Variants in SPAG6 observed in about 807,000 individuals in gnomAD.
The protein encoded by SPAG6 is sperm associated antigen 6.
SPAG6 carries 49 observed loss-of-function variants against 58.5 expected under a neutral mutation model. The ratio of observed to expected loss-of-function variants is 0.84; its 90% CI spans 0.67 to 1.06. SPAG6 has a LOEUF of 1.06. Among genes scored for constraint, SPAG6 ranks in the 50% least tolerant of loss-of-function variants. The pLI is 0.00. For missense variants in SPAG6, 560 were observed against 611.3 expected, an observed-to-expected ratio of 0.92 and a Z score of 0.89; for synonymous variants, 233 against 225.6, an observed-to-expected ratio of 1.03 and a Z score of -0.29.
intron 2 of SPAG6, among the ~76,000 whole-genome samples, chr10:22,363,430 G>C (rs1421000515): frequency 6.6e-6 from 1 of 152,176 alleles, no homozygotes; most frequent in African/African-American, 2.4e-5. Context: ...TATGACCCAA[G>C]TGTGGGCAGG....
chr10:22,380,071 G>C (rs572123768), intron 4 of SPAG6, among the ~76,000 whole-genome samples: 1 of 151,866 alleles, frequency 6.6e-6, no homozygotes, highest in Non-Finnish European at 1.5e-5. Context: ...TGGGACTACC[G>C]GAGTGAGGCA....
intron 10 of SPAG6, among the ~76,000 whole-genome samples, chr10:22,412,009 C>T (rs958753795): frequency 2.6e-5 from 4 of 152,014 alleles, no homozygotes; most frequent in African/African-American, 9.7e-5. Context: ...CCATCACGCC[C>T]AGCTAATTTT....
chr10:22,360,822 A>C lies in SPAG6; in HGVS notation c.122-4031A>C, dbSNP rs1170550. 36,519 of 1,533,924 alleles carry C rather than the reference A, an allele frequency of 0.024. 559 individuals carry two copies. The highest frequency in any genetic ancestry group is 0.028 in the Non-Finnish European group (31,819 of 1,145,706). On this transcript the variant is annotated intron_variant, in intron 2 of 10. Coordinates refer to ENST00000376624, the MANE Select transcript of SPAG6 (RefSeq NM_012443.4). Reference sequence around the variant, plus strand: ...TTTAATTTGTGAACTCTAAATTTCCATGCATTCACTCACCATGGATCTCTG... The same window carrying C: ...TTTAATTTGTGAACTCTAAATTTCCCTGCATTCACTCACCATGGATCTCTG...
At chr10:22,374,604 A>T (rs966693142) in intron 4 of SPAG6, among the ~76,000 whole-genome samples, 2 of 139,680 alleles carry the variant, frequency 1.4e-5, no homozygotes, top group African/African-American at 5.2e-5. Flanking sequence ...CCTGTATGTA[A>T]AAAAAAAAAA....
intron 9 of SPAG6, 92 bp from the exon 10 acceptor site, chr10:22,410,937 CTT>C: frequency 7.6e-7 from 1 of 1,324,388 alleles, no homozygotes; most frequent in Non-Finnish European, 1.0e-6. Flanking sequence ...TATAAATTCT[CTT>C]TTACATTTTC....
At chr10:22,362,470 G>A (rs1282581803) in intron 2 of SPAG6, among the ~76,000 whole-genome samples, 1 of 152,040 alleles carries the variant, frequency 6.6e-6, no homozygotes, top group Non-Finnish European at 1.5e-5. Context: ...GCCAGGCACA[G>A]TGGCTCATGC....
At chr10:22,349,050 G>A (rs1175481745) in intron 2 of SPAG6, among the ~76,000 whole-genome samples, 1 of 151,926 alleles carries the variant, frequency 6.6e-6, no homozygotes, top group Non-Finnish European at 1.5e-5. Flanking sequence ...TTTTCACCAT[G>A]TTTAGCCAGG....
At chr10:22,398,910 C>T (rs559181317) in intron 8 of SPAG6, among the ~76,000 whole-genome samples, 1 of 152,238 alleles carries the variant, frequency 6.6e-6, no homozygotes, top group South Asian at 2.1e-4. Flanking sequence ...CCTCCGCCTC[C>T]TGGGTTCAAG....
chr10:22,405,178 A>C (rs559459833), intron 9 of SPAG6, among the ~76,000 whole-genome samples: 2,660 of 152,070 alleles, frequency 0.017, 77 homozygotes, highest in African/African-American at 0.061. Flanking sequence ...ACAATGTTGA[A>C]TAGGAGTGGT....
In SPAG6 at chr10:22,345,660, C is replaced by G. The variant is rs758563637; in HGVS notation, c.25+24C>G. The G allele has an allele frequency of 6.7e-5, 104 of 1,562,846 alleles. No individual in the cohort carries two copies. In the South Asian group the frequency reaches 1.1e-3, roughly 17 times the overall value. On this transcript the variant is annotated intron_variant, in intron 1 of 10. Transcript: ENST00000376624. The surrounding 1 kb of genome is among the most constrained non-coding windows in gnomAD (Gnocchi z 6.3). ...AGGTAGGGCCGAGGCGGGCAGGTGC[C>G]CTAACTAGCTGGCGCCGAGGAGACC...
chr10:22,391,698 A>G (rs1834187195), intron 7 of SPAG6, 31 bp from the exon 8 acceptor site: 7 of 1,602,606 alleles, frequency 4.4e-6, no homozygotes, highest in Non-Finnish European at 6.0e-6. Context: ...CTCTAGATTC[A>G]TAACACTTGC....
At chr10:22,362,034 A>G (rs1243568163) in intron 2 of SPAG6, among the ~76,000 whole-genome samples, 1 of 146,446 alleles carries the variant, frequency 6.8e-6, no homozygotes, top group Non-Finnish European at 1.5e-5. Context: ...ATAAATATAT[A>G]GATATATTAT....
intron 2 of SPAG6, among the ~76,000 whole-genome samples, chr10:22,350,971 ACTC>A (rs1836711631): frequency 6.6e-6 from 1 of 152,166 alleles, no homozygotes; most frequent in Admixed American, 6.5e-5. Flanking sequence ...TGGAACTAGA[ACTC>A]ATTTTTAATA....
intron 8 of SPAG6, among the ~76,000 whole-genome samples, chr10:22,397,357 G>C (rs1031592316): frequency 1.1e-4 from 17 of 152,254 alleles, no homozygotes; most frequent in African/African-American, 3.9e-4. Flanking sequence ...CTGCTGCCCA[G>C]GCTGGATTGC....
intron 2 of SPAG6, chr10:22,360,760 CTTGT>C: frequency 6.6e-7 from 1 of 1,516,818 alleles, no homozygotes; most frequent in Non-Finnish European, 8.8e-7. Flanking sequence ...TACTAGAGGC[CTTGT>C]TTATCAGATA....
chr10:22,403,458 G>C, intron 9 of SPAG6, among the ~76,000 whole-genome samples: 1 of 152,170 alleles, frequency 6.6e-6, no homozygotes, highest in African/African-American at 2.4e-5. Context: ...TACAAAGGAT[G>C]TGAACTCATC....
chr10:22,355,080 A>G (rs961819712), intron 2 of SPAG6, among the ~76,000 whole-genome samples: 6 of 152,196 alleles, frequency 3.9e-5, no homozygotes, highest in African/African-American at 1.4e-4. Flanking sequence ...GACAGTTATG[A>G]TTAATGCTAA....
chr10:22,350,597 T>C (rs754796661), intron 2 of SPAG6, among the ~76,000 whole-genome samples: 1 of 152,146 alleles, frequency 6.6e-6, no homozygotes, highest in Non-Finnish European at 1.5e-5. Context: ...TCGAATGAGG[T>C]TTCAGGACCT....
At chr10:22,349,252 C>T (rs888567247) in intron 2 of SPAG6, among the ~76,000 whole-genome samples, 2 of 151,640 alleles carry the variant, frequency 1.3e-5, no homozygotes, top group African/African-American at 2.4e-5. Flanking sequence ...TTTTATTCCT[C>T]TAAATTAAAA....
Sources: allele counts gnomAD v4.1 joint callset (sites outside exome capture counted in the v4.1 genomes callset), GRCh38; gene constraint gnomAD v4.1.1; non-coding constraint Gnocchi (gnomAD v3.1); transcripts MANE v1.5; gene names NCBI Gene and HGNC (gene_info 2026-07-23, HGNC 2026-07-21).